COL26A1: variants seen among roughly 807,000 people sequenced by gnomAD.
COL26A1 encodes collagen type XXVI alpha 1 chain.
In COL26A1, 41 loss-of-function variants were observed where a neutral mutation model predicts 59.3. The ratio of observed to expected loss-of-function variants is 0.69; its 90% CI spans 0.54 to 0.90. The LOEUF is 0.90. Among genes scored for constraint, COL26A1 ranks in the 40% least tolerant of loss-of-function variants. COL26A1 has a pLI of 0.00. For synonymous variants in COL26A1, 266 were observed against 256.0 expected (o/e 1.04, Z -0.37); for missense variants, 612 against 602.3 (o/e 1.02, Z -0.17).
intron 3 of COL26A1, among the ~76,000 whole-genome samples, chr7:101,486,229 G>A (rs959353313): frequency 4.6e-5 from 7 of 151,796 alleles, no homozygotes; most frequent in Non-Finnish European, 8.8e-5. Flanking sequence ...TTTCGGATCC[G>A]TCTTCACCCT....
chr7:101,515,442 C>T (rs899561349), intron 3 of COL26A1, among the ~76,000 whole-genome samples: 4 of 150,960 alleles, frequency 2.6e-5, no homozygotes, highest in African/African-American at 4.9e-5. Context: ...TGCCACCACA[C>T]TCAGCTAATT....
chr7:101,528,083 C>T (rs943527732), intron 3 of COL26A1, among the ~76,000 whole-genome samples: 11 of 152,080 alleles, frequency 7.2e-5, no homozygotes, highest in Non-Finnish European at 1.5e-4. Context: ...GTGGGGAGTC[C>T]GAGCTGGCTG....
chr7:101,425,637 C>T (rs551441026), intron 2 of COL26A1, among the ~76,000 whole-genome samples: 94 of 150,512 alleles, frequency 6.2e-4, no homozygotes, highest in African/African-American at 2.1e-3. Context: ...GCTGGGACTA[C>T]AGGTGTGCAT....
chr7:101,514,916 T>A (rs1794998631), intron 3 of COL26A1, among the ~76,000 whole-genome samples: 1 of 152,346 alleles, frequency 6.6e-6, no homozygotes, highest in Non-Finnish European at 1.5e-5. Flanking sequence ...CCAGCCCAGC[T>A]GTGAGCAGAG....
chr7:101,547,777 GTTCATTCA>G (rs898864766), intron 8 of COL26A1, among the ~76,000 whole-genome samples: 1 of 151,844 alleles, frequency 6.6e-6, no homozygotes, highest in Admixed American at 6.6e-5. Flanking sequence ...TCATTCATTC[GTTCATTCA>G]TTCATTCATT....
At chr7:101,462,704 C>T (rs560449325) in intron 3 of COL26A1, among the ~76,000 whole-genome samples, 2 of 152,170 alleles carry the variant, frequency 1.3e-5, no homozygotes, top group East Asian at 3.9e-4. Context: ...TTTACTGGGA[C>T]CCCCATGCTT....
intron 3 of COL26A1, among the ~76,000 whole-genome samples, chr7:101,525,501 G>GT (rs1443925319): frequency 3.8e-5 from 5 of 133,304 alleles, no homozygotes; most frequent in South Asian, 2.4e-4. Flanking sequence ...CTGTTTTTTT[G>GT]GTTTTTTTTT....
At chr7:101,502,572 G>T (rs1254827035) in intron 3 of COL26A1, among the ~76,000 whole-genome samples, 1 of 152,216 alleles carries the variant, frequency 6.6e-6, no homozygotes, top group Admixed American at 6.5e-5. Context: ...GGGACTGGCA[G>T]GTGCTGTGGA....
At chr7:101,495,148 C>T (rs1267783297) in intron 3 of COL26A1, among the ~76,000 whole-genome samples, 1 of 152,146 alleles carries the variant, frequency 6.6e-6, no homozygotes, top group East Asian at 1.9e-4. Context: ...ATCGGTGCCC[C>T]CCTCCCACCT....
chr7:101,527,369 C>G (rs1449529978), intron 3 of COL26A1, among the ~76,000 whole-genome samples: 1 of 151,892 alleles, frequency 6.6e-6, no homozygotes, highest in Non-Finnish European at 1.5e-5. Flanking sequence ...AGCTCTGTTG[C>G]CAGACTGGAG....
rs1413888423 is a variant in COL26A1 at position 101,555,788 on chromosome 7, G to T, written c.1082G>T (p.Gly361Val). The T allele has an allele frequency of 8.7e-6, 14 of 1,608,462 alleles. No homozygotes were observed. Among genetic ancestry groups the T allele is most frequent in the Non-Finnish European group, 1.2e-5 (14 of 1,178,170 alleles). ...EEGEKAATAE[G>V]EGVQQLREAL... ...CCCTGCCTGTTTCCTCCCCGCCAGG[G>T]CGAGGGGGTGCAGCAGCTGAGAGAG... The change falls in exon 12 of 13, where the codon GGC (glycine) becomes GTC (valine). Residue 361 changes from glycine (G) to valine (V), a missense_variant and splice_region_variant. Gly to Val is a moderately radical substitution (Grantham distance 109, BLOSUM62 -3). Coordinates refer to ENST00000313669, the MANE Select transcript of COL26A1 (RefSeq NM_001278563.3).
intron 3 of COL26A1, among the ~76,000 whole-genome samples, chr7:101,494,082 C>T (rs1420276382): frequency 6.6e-6 from 1 of 150,744 alleles, no homozygotes; most frequent in Admixed American, 6.6e-5. Context: ...TGTGTGAATT[C>T]GATTGGGAAC....
intron 5 of COL26A1, among the ~76,000 whole-genome samples, chr7:101,542,079 G>T (rs1226165382): frequency 2.0e-5 from 3 of 151,856 alleles, no homozygotes; most frequent in Non-Finnish European, 4.4e-5. Flanking sequence ...GGATTCCCCT[G>T]CCTCAGCCTC....
rs542305159 is a variant in COL26A1, at chr7:101,388,497, C to T, written c.158+25307C>T. ...TCAAAAACAGACAAACAAAAAGCCCCGAAACTCTGTACCTGTGAAATGCTA... is the reference window on the plus strand; with the variant it reads ...TCAAAAACAGACAAACAAAAAGCCCTGAAACTCTGTACCTGTGAAATGCTA... On this transcript the variant is annotated intron_variant, in intron 1 of 12. Coordinates refer to ENST00000313669, the MANE Select transcript of COL26A1 (RefSeq NM_001278563.3). Among the ~76,000 whole-genome samples the T allele has an allele frequency of 2.3e-3, 347 of 151,920 alleles. 1 individual carries two copies. Among genetic ancestry groups the T allele is most frequent in the Non-Finnish European group, 3.7e-3 (248 of 67,942 alleles).
chr7:101,531,728 T>G (rs1795372885), intron 3 of COL26A1, among the ~76,000 whole-genome samples: 1 of 151,930 alleles, frequency 6.6e-6, no homozygotes, highest in Non-Finnish European at 1.5e-5. Context: ...CAACTCCCCG[T>G]GGTTTCTCCC....
chr7:101,467,739 C>A (rs1261156789), intron 3 of COL26A1, among the ~76,000 whole-genome samples: 1 of 151,982 alleles, frequency 6.6e-6, no homozygotes, highest in Non-Finnish European at 1.5e-5. Context: ...TGGTGGCGGG[C>A]GCCTGTAGTC....
chr7:101,537,083 G>A (rs960163720), intron 4 of COL26A1, among the ~76,000 whole-genome samples: 1 of 152,210 alleles, frequency 6.6e-6, no homozygotes, highest in Non-Finnish European at 1.5e-5. Flanking sequence ...TGGGTCACAT[G>A]TACAGAGTCA....
intron 3 of COL26A1, among the ~76,000 whole-genome samples, chr7:101,455,259 G>C (rs962178819): frequency 4.6e-5 from 7 of 151,926 alleles, no homozygotes; most frequent in Admixed American, 4.6e-4. Flanking sequence ...GCCCAGGCTG[G>C]TCTCCAACTC....
intron 1 of COL26A1, among the ~76,000 whole-genome samples, chr7:101,368,459 G>A (rs1791101718): frequency 6.6e-6 from 1 of 152,212 alleles, no homozygotes; most frequent in Non-Finnish European, 1.5e-5. Context: ...TGCAGCAGAG[G>A]TCCTGCTCCT....
Sources: allele counts gnomAD v4.1 joint callset (sites outside exome capture counted in the v4.1 genomes callset), GRCh38; gene constraint gnomAD v4.1.1; transcripts MANE v1.5; gene names NCBI Gene and HGNC (gene_info 2026-07-23, HGNC 2026-07-21).